Variants in PCDH15 observed in about 807,000 individuals in gnomAD.
PCDH15 encodes protocadherin-15.
A neutral mutation model predicts 178.5 loss-of-function variants in PCDH15; 129 were observed. The ratio of observed to expected loss-of-function variants is 0.72; its 90% CI spans 0.63 to 0.84. The LOEUF (loss-of-function observed/expected upper bound fraction) is 0.84. Among genes scored for constraint, PCDH15 ranks in the 40% least tolerant of loss-of-function variants. PCDH15 has a pLI of 0.00. For synonymous variants in PCDH15, 800 were observed against 732.0 expected (o/e 1.09, Z -1.50); for missense variants, 2,230 against 2,099.9 (o/e 1.06, Z -1.21).
At chr10:55,473,056 T>G (rs1839995978) in intron 2 of PCDH15, among the ~76,000 whole-genome samples, 1 of 152,250 alleles carries the variant, frequency 6.6e-6, no homozygotes, top group Non-Finnish European at 1.5e-5. Flanking sequence ...TTCAGATGAA[T>G]AGAATATAAA....
chr10:54,677,462 C>T (rs947711480), intron 1 of PCDH15, among the ~76,000 whole-genome samples: 22 of 151,958 alleles, frequency 1.4e-4, no homozygotes, highest in East Asian at 1.9e-4. Context: ...ATGATAATAG[C>T]GTGTGTGCAT....
At chr10:54,090,953 T>C (rs2094591248) in intron 15 of PCDH15, among the ~76,000 whole-genome samples, 1 of 152,178 alleles carries the variant, frequency 6.6e-6, no homozygotes, top group Non-Finnish European at 1.5e-5. Context: ...ATCTGGTACA[T>C]TGTAAGCTTT....
chr10:54,857,117 T>C (rs1953755124), intron 3 of PCDH15, among the ~76,000 whole-genome samples: 1 of 152,180 alleles, frequency 6.6e-6, no homozygotes, highest in Non-Finnish European at 1.5e-5. Context: ...ATTGCCTCAA[T>C]ACTGTGGGTT....
At chr10:55,299,624 T>C (rs1476090188) in intron 1 of PCDH15, among the ~76,000 whole-genome samples, 1 of 152,196 alleles carries the variant, frequency 6.6e-6, no homozygotes, top group East Asian at 1.9e-4. Flanking sequence ...CATATACTTT[T>C]ACAGTTTCAA....
intron 9 of PCDH15, among the ~76,000 whole-genome samples, chr10:54,236,150 T>C (rs2054605602): frequency 6.6e-6 from 1 of 152,182 alleles, no homozygotes; most frequent in African/African-American, 2.4e-5. Context: ...ATATAGCCTG[T>C]CTCACATGCA....
At chr10:55,142,459 GA>G (rs1336816774) in intron 2 of PCDH15, among the ~76,000 whole-genome samples, 1 of 151,318 alleles carries the variant, frequency 6.6e-6, no homozygotes, top group East Asian at 2.0e-4. Context: ...CAGCAACATA[GA>G]TGGGTATATA....
intron 10 of PCDH15, among the ~76,000 whole-genome samples, chr10:54,197,366 A>T (rs1257395495): frequency 1.3e-5 from 2 of 152,094 alleles, no homozygotes; most frequent in African/African-American, 4.8e-5. Context: ...TTTAATTTAA[A>T]GGAAGATTTC....
Position 54,439,976 on chromosome 10 carries a change from A to G in PCDH15, c.158-61034T>C, listed in dbSNP as rs932155876. On this transcript the variant is annotated intron_variant, in intron 3 of 37. Coordinates refer to ENST00000644397, the MANE Select transcript of PCDH15 (RefSeq NM_001384140.1). ...ATCTAATACATGTTTTCCACCTTGC[A>G]ACATAAAACCTGATCTCTTTTTAAA... Among the ~76,000 whole-genome samples, 51 of 152,066 alleles carry G rather than the reference A, an allele frequency of 3.4e-4. 1 individual carries two copies. Among genetic ancestry groups the G allele is most frequent in the Admixed American group, 3.2e-3 (49 of 15,230 alleles).
At chr10:54,430,049 C>CTTT (rs34182878) in intron 3 of PCDH15, among the ~76,000 whole-genome samples, 7 of 119,544 alleles carry the variant, frequency 5.9e-5, no homozygotes, top group African/African-American at 1.9e-4. Context: ...CCTTCTTCTC[C>CTTT]TTTTTTTTTT....
At chr10:54,817,163 G>T (rs771238091) in intron 3 of PCDH15, among the ~76,000 whole-genome samples, 2 of 151,816 alleles carry the variant, frequency 1.3e-5, no homozygotes, top group African/African-American at 4.8e-5. Flanking sequence ...TACATTAAGA[G>T]AAATTTTCAG....
intron 3 of PCDH15, among the ~76,000 whole-genome samples, chr10:54,874,424 A>G (rs1954100932): frequency 6.6e-6 from 1 of 151,372 alleles, no homozygotes; most frequent in Non-Finnish European, 1.5e-5. Context: ...ATAATGCTGC[A>G]ATAAACATAC....
At chr10:53,880,852 T>C (rs1159736991) in intron 26 of PCDH15, among the ~76,000 whole-genome samples, 1 of 152,090 alleles carries the variant, frequency 6.6e-6, no homozygotes, top group Non-Finnish European at 1.5e-5. Flanking sequence ...ATAAGATCTG[T>C]CTCCTCGAAT....
chr10:54,804,927 TTATATATATA>T (rs71014419), upstream of PCDH15, among the ~76,000 whole-genome samples: 336 of 50,842 alleles, frequency 6.6e-3, 29 homozygotes, highest in African/African-American at 0.018. Context: ...TCATAGTAGA[TTATATATATA>T]TATATATATA....
chr10:53,817,498 T>A (rs1352386132), intron 34 of PCDH15, among the ~76,000 whole-genome samples: 1 of 149,286 alleles, frequency 6.7e-6, no homozygotes, highest in Non-Finnish European at 1.5e-5. Context: ...ATATATTCTT[T>A]GTTTTTTTTT....
At chr10:55,554,978 G>A (rs1842063907) in intron 2 of PCDH15, among the ~76,000 whole-genome samples, 1 of 151,992 alleles carries the variant, frequency 6.6e-6, no homozygotes, top group Non-Finnish European at 1.5e-5. Flanking sequence ...GGGTTTATGG[G>A]TTTGGGAAAG....
intron 3 of PCDH15, among the ~76,000 whole-genome samples, chr10:54,511,501 AT>A (rs1318491352): frequency 6.6e-6 from 1 of 152,042 alleles, no homozygotes; most frequent in Non-Finnish European, 1.5e-5. Flanking sequence ...TATAGAGTTT[AT>A]TTTTTACAGA....
At chr10:55,313,369 T>C (rs965122809) in intron 1 of PCDH15, among the ~76,000 whole-genome samples, 1 of 152,234 alleles carries the variant, frequency 6.6e-6, no homozygotes, top group South Asian at 2.1e-4. Flanking sequence ...ACAATTCTTA[T>C]ACATTTTTTA....
In PCDH15 at chr10:55,543,977, T is replaced by TA. The variant is rs541522147; in HGVS notation, c.-156+83647dup. ...ATATTCATTTGTTTGAGAATTTAGA[T>TA]AAAAAGAAAACTGACACATTACTTA... On this transcript the variant is annotated intron_variant, in intron 2 of 5. Transcript: ENST00000613346. Among the ~76,000 whole-genome samples, 877 of 151,052 alleles carry TA rather than the reference T, an allele frequency of 5.8e-3. 8 individuals carry two copies. Among genetic ancestry groups the TA allele is most frequent in the African/African-American group, 0.021 (847 of 41,294 alleles).
At chr10:53,851,907 A>T (rs994805593) in intron 28 of PCDH15, among the ~76,000 whole-genome samples, 1 of 151,666 alleles carries the variant, frequency 6.6e-6, no homozygotes, top group African/African-American at 2.4e-5. Context: ...TTCCTCATCA[A>T]GTCAGTAACT....
Sources: allele counts gnomAD v4.1 joint callset (sites outside exome capture counted in the v4.1 genomes callset), GRCh38; gene constraint gnomAD v4.1.1; transcripts MANE v1.5; gene names NCBI Gene and HGNC (gene_info 2026-07-23, HGNC 2026-07-21).